CNTNAP5: variants seen among roughly 807,000 people sequenced by gnomAD.
The protein encoded by CNTNAP5 is contactin-associated protein-like 5.
In CNTNAP5, 72 loss-of-function variants were observed where a neutral mutation model predicts 150.2. The ratio of observed to expected loss-of-function variants is 0.48; its 90% CI spans 0.40 to 0.58. The LOEUF is 0.58. CNTNAP5 is among the 20% of genes least tolerant of loss of function. The pLI is 0.00. For missense variants in CNTNAP5, 1,636 were observed against 1,626.2 expected, an observed-to-expected ratio of 1.01 and a Z score of -0.10; for synonymous variants, 672 against 619.8, an observed-to-expected ratio of 1.08 and a Z score of -1.25.
At chr2:124,380,101 A>G (rs1010353183) in intron 3 of CNTNAP5, among the ~76,000 whole-genome samples, 2 of 152,140 alleles carry the variant, frequency 1.3e-5, no homozygotes, top group African/African-American at 4.8e-5. Context: ...GTTATAATTA[A>G]TCAGATTTTA....
At chr2:124,844,110 T>C (rs1440312204) in intron 19 of CNTNAP5, among the ~76,000 whole-genome samples, 1 of 152,092 alleles carries the variant, frequency 6.6e-6, no homozygotes, top group African/African-American at 2.4e-5. Flanking sequence ...AGAGTTTTTT[T>C]CAATGTTATC....
intron 3 of CNTNAP5, among the ~76,000 whole-genome samples, chr2:124,368,979 G>A (rs1433960862): frequency 6.6e-6 from 1 of 152,088 alleles, no homozygotes; most frequent in Non-Finnish European, 1.5e-5. Context: ...TAAAATTGTG[G>A]CTTGTTTAAA....
chr2:124,127,833 T>G (rs998203726), intron 1 of CNTNAP5, among the ~76,000 whole-genome samples: 1 of 152,036 alleles, frequency 6.6e-6, no homozygotes, highest in Non-Finnish European at 1.5e-5. Flanking sequence ...TTAATAAATG[T>G]TGCTGGGAAA....
intron 3 of CNTNAP5, among the ~76,000 whole-genome samples, chr2:124,293,859 G>A (rs1688359399): frequency 6.6e-6 from 1 of 151,748 alleles, no homozygotes; most frequent in African/African-American, 2.4e-5. Flanking sequence ...AAGCATGCTT[G>A]GGGTAGATTT....
At chr2:124,314,913 T>C (rs1688926639) in intron 3 of CNTNAP5, among the ~76,000 whole-genome samples, 1 of 152,092 alleles carries the variant, frequency 6.6e-6, no homozygotes, top group Non-Finnish European at 1.5e-5. Flanking sequence ...TTTCTTTTAA[T>C]ATTAAGGGAA....
intron 1 of CNTNAP5, among the ~76,000 whole-genome samples, chr2:124,176,937 T>G (rs1036830647): frequency 1.3e-5 from 2 of 150,218 alleles, no homozygotes; most frequent in African/African-American, 4.9e-5. Flanking sequence ...TTCTGCCTCC[T>G]GGGTTCAAGC....
intron 13 of CNTNAP5, among the ~76,000 whole-genome samples, chr2:124,713,567 G>C (rs551316815): frequency 1.3e-5 from 2 of 151,582 alleles, no homozygotes; most frequent in African/African-American, 2.4e-5. Context: ...GTAGAGACAG[G>C]GTTTCACTAT....
intron 3 of CNTNAP5, among the ~76,000 whole-genome samples, chr2:124,255,586 ATAAT>A: frequency 1.4e-5 from 1 of 69,674 alleles, no homozygotes; most frequent in Non-Finnish European, 2.7e-5. Context: ...AAATAAAATA[ATAAT>A]TTTTTTTTAA....
chr2:124,812,631 T>C (rs1056959469), intron 19 of CNTNAP5, among the ~76,000 whole-genome samples: 4 of 152,182 alleles, frequency 2.6e-5, no homozygotes, highest in Non-Finnish European at 5.9e-5. Context: ...CAACGTCTTA[T>C]CATAACTCAG....
intron 3 of CNTNAP5, among the ~76,000 whole-genome samples, chr2:124,343,764 G>C (rs58610183): frequency 6.6e-6 from 1 of 152,144 alleles, no homozygotes; most frequent in East Asian, 1.9e-4. Flanking sequence ...ATTTTGTGTT[G>C]CTATATCACA....
At chr2:124,449,841 G>T (rs1204391905) in intron 6 of CNTNAP5, among the ~76,000 whole-genome samples, 1 of 152,120 alleles carries the variant, frequency 6.6e-6, no homozygotes, top group East Asian at 1.9e-4. Flanking sequence ...AGAGTTACGT[G>T]TCAAGAGAAA....
intron 3 of CNTNAP5, among the ~76,000 whole-genome samples, chr2:124,255,301 G>T (rs1186593614): frequency 6.6e-6 from 1 of 152,032 alleles, no homozygotes; most frequent in Non-Finnish European, 1.5e-5. Context: ...AAGGCAGGTG[G>T]ATCACAAGGT....
chr2:124,428,542 T>A (rs1279329487), intron 4 of CNTNAP5, among the ~76,000 whole-genome samples: 14 of 152,144 alleles, frequency 9.2e-5, no homozygotes, highest in Admixed American at 4.6e-4. Flanking sequence ...TTCCCTGCTC[T>A]CCCAGAAAGG....
intron 6 of CNTNAP5, among the ~76,000 whole-genome samples, chr2:124,461,240 C>A (rs553558747): frequency 2.0e-5 from 3 of 151,910 alleles, no homozygotes; most frequent in African/African-American, 7.3e-5. Flanking sequence ...ATGTTTATTG[C>A]GGCACTATTC....
At chr2:124,668,863 G>C (rs1202603801) in intron 13 of CNTNAP5, among the ~76,000 whole-genome samples, 1 of 152,164 alleles carries the variant, frequency 6.6e-6, no homozygotes, top group East Asian at 1.9e-4. Flanking sequence ...GAAGGAATGA[G>C]GGAAGGTTAG....
chr2:124,410,821 T>G (rs553957396), intron 3 of CNTNAP5, among the ~76,000 whole-genome samples: 197 of 148,860 alleles, frequency 1.3e-3, no homozygotes, highest in South Asian at 5.0e-3. Flanking sequence ...TTAAAAGAAC[T>G]AGAAAAGCAA....
At chr2:124,262,756 T>A (rs1052812191) in intron 3 of CNTNAP5, among the ~76,000 whole-genome samples, 1 of 151,776 alleles carries the variant, frequency 6.6e-6, no homozygotes, top group Non-Finnish European at 1.5e-5. Flanking sequence ...CCGATTAACT[T>A]GTCATTTACA....
intron 21 of CNTNAP5, among the ~76,000 whole-genome samples, chr2:124,872,244 T>C (rs1351648893): frequency 2.6e-5 from 4 of 152,092 alleles, no homozygotes; most frequent in South Asian, 4.1e-4. Context: ...TCTTTTTATG[T>C]ATTTAGGCAT....
chr2:124,589,526 A>G (rs1696631805), intron 11 of CNTNAP5, among the ~76,000 whole-genome samples: 2 of 152,132 alleles, frequency 1.3e-5, no homozygotes, highest in Admixed American at 1.3e-4. Context: ...TTTCTCTTAA[A>G]TATATACCTG....
Sources: allele counts gnomAD v4.1 joint callset (sites outside exome capture counted in the v4.1 genomes callset), GRCh38; gene constraint gnomAD v4.1.1; transcripts MANE v1.5; gene names NCBI Gene and HGNC (gene_info 2026-07-23, HGNC 2026-07-21).